L3MBTL4: variants seen among roughly 807,000 people sequenced by gnomAD.
L3MBTL4 encodes the protein lethal(3)malignant brain tumor-like protein 4.
In L3MBTL4, 70 loss-of-function variants were observed where a neutral mutation model predicts 84.5. The observed-to-expected ratio is 0.83, with a 90% CI of 0.68 to 1.01. The LOEUF is 1.01. Ranked by LOEUF, L3MBTL4 falls within the 50% of genes least tolerant of loss-of-function variation. The probability of loss-of-function intolerance (pLI) is 0.00; values close to 1 mark genes in which losing one functional copy is unlikely to be tolerated. For synonymous variants in L3MBTL4, 274 were observed against 259.8 expected, an observed-to-expected ratio of 1.05 and a Z score of -0.52; for missense variants, 715 against 754.8, an observed-to-expected ratio of 0.95 and a Z score of 0.62.
intron 16 of L3MBTL4, chr18:6,030,347 G>C (rs2055728724): frequency 1.0e-6 from 1 of 970,594 alleles, no homozygotes; most frequent in Non-Finnish European, 1.2e-6. Flanking sequence ...AGAACAAATA[G>C]CTAGCAAAAA....
At chr18:6,156,051 C>A (rs184674135) in intron 13 of L3MBTL4, among the ~76,000 whole-genome samples, 49 of 152,268 alleles carry the variant, frequency 3.2e-4, no homozygotes, top group Admixed American at 5.2e-4. Flanking sequence ...ACACAGATAG[C>A]TGCCCTTGCC....
At chr18:6,283,456 C>T (rs2049413747) in intron 4 of L3MBTL4, among the ~76,000 whole-genome samples, 1 of 151,988 alleles carries the variant, frequency 6.6e-6, no homozygotes, top group Non-Finnish European at 1.5e-5. Context: ...AAGTTCTTTC[C>T]TAAGCAGGAT....
rs576290910 is a variant in L3MBTL4 at position 6,266,234 on chromosome 18, C to T, written c.128-2196G>A. 7.9e-5 allele frequency among the ~76,000 whole-genome samples: 12 copies of T among 152,260 alleles called. No homozygotes were observed. The Middle Eastern group carries it at 0.017, about 216-fold the overall frequency. On this transcript the variant is annotated intron_variant, in intron 4 of 18. Transcript: ENST00000317931. ...ATGTCCACACAACCAAACACATTCA[C>T]GTAGAAAAGCAATTGGAAAGAAACA...
chr18:6,123,102 G>T (rs1455363659), intron 14 of L3MBTL4, among the ~76,000 whole-genome samples: 1 of 152,106 alleles, frequency 6.6e-6, no homozygotes, highest in Admixed American at 6.5e-5. Context: ...AGGAAAGGGG[G>T]TTATTCTAAC....
intron 14 of L3MBTL4, among the ~76,000 whole-genome samples, chr18:6,120,360 T>A (rs1460250394): frequency 6.6e-6 from 1 of 152,130 alleles, no homozygotes; most frequent in Non-Finnish European, 1.5e-5. Flanking sequence ...GGATGCCACC[T>A]CCCAGCTTGG....
chr18:6,049,737 G>A (rs1259487939), intron 16 of L3MBTL4, among the ~76,000 whole-genome samples: 1 of 152,096 alleles, frequency 6.6e-6, no homozygotes, highest in East Asian at 1.9e-4. Context: ...AGGAAAGGGG[G>A]CAAAGGTTGA....
At position 6,213,225 on chromosome 18, in the gene L3MBTL4, A is replaced by C; in HGVS notation, c.905T>G (p.Leu302Arg). ...GGGGTTCCGTTTATCCACAACTTCA[A>C]GTTTCATATTTGGCAGAAAACCATG... ...LPHGFLPNMK[L>R]EVVDKRNPRL... Residue 302 changes from leucine to arginine, a missense_variant, in exon 12 of 19, where the codon CTT becomes CGT. Coordinates refer to ENST00000317931, the MANE Select transcript of L3MBTL4 (RefSeq NM_001330559.2). The C allele has an allele frequency of 6.2e-7, 1 of 1,610,682 alleles. No individual in the cohort carries two copies. Among genetic ancestry groups the C allele is most frequent in the Non-Finnish European group, 8.5e-7 (1 of 1,178,866 alleles).
At chr18:6,366,937 A>T (rs1055042166) in intron 1 of L3MBTL4, among the ~76,000 whole-genome samples, 1 of 152,242 alleles carries the variant, frequency 6.6e-6, no homozygotes, top group Non-Finnish European at 1.5e-5. Flanking sequence ...AGATCTCTGC[A>T]TTAGAAAGAG....
intron 15 of L3MBTL4, among the ~76,000 whole-genome samples, chr18:6,084,960 C>G (rs549305793): frequency 6.6e-6 from 1 of 152,238 alleles, no homozygotes; most frequent in Non-Finnish European, 1.5e-5. Flanking sequence ...GGAGCTAGGA[C>G]AAATTATGGG....
intron 4 of L3MBTL4, among the ~76,000 whole-genome samples, chr18:6,267,861 G>A (rs1599411765): frequency 6.6e-6 from 1 of 152,188 alleles, no homozygotes; most frequent in African/African-American, 2.4e-5. Context: ...GCCTGCAAGT[G>A]AGATGAGGGA....
intron 16 of L3MBTL4, among the ~76,000 whole-genome samples, chr18:5,977,876 T>C (rs1598341027): frequency 6.6e-6 from 1 of 152,150 alleles, no homozygotes; most frequent in Admixed American, 6.5e-5. Flanking sequence ...AAGTCCTGCC[T>C]CCCCAAGGCT....
intron 1 of L3MBTL4, among the ~76,000 whole-genome samples, chr18:6,343,036 T>A (rs1358503188): frequency 1.3e-5 from 2 of 152,150 alleles, no homozygotes; most frequent in African/African-American, 4.8e-5. Flanking sequence ...ATCAAGAGGA[T>A]ATAACAATTA....
intron 16 of L3MBTL4, among the ~76,000 whole-genome samples, chr18:6,021,440 T>C (rs1213897052): frequency 6.6e-6 from 1 of 151,854 alleles, no homozygotes; most frequent in Non-Finnish European, 1.5e-5. Flanking sequence ...AATGGAAAAA[T>C]AGACTGAAGG....
chr18:6,391,707 A>G (rs2055057521), intron 1 of L3MBTL4, among the ~76,000 whole-genome samples: 1 of 148,428 alleles, frequency 6.7e-6, no homozygotes, highest in Non-Finnish European at 1.5e-5. Context: ...CCGAGACTCA[A>G]ATCAAGAACG....
At chr18:6,360,011 A>C (rs191271839) in intron 1 of L3MBTL4, among the ~76,000 whole-genome samples, 26 of 152,320 alleles carry the variant, frequency 1.7e-4, no homozygotes, top group African/African-American at 6.3e-4. Flanking sequence ...TGGCAAGTAA[A>C]AGGTAATTCT....
chr18:6,196,258 C>A (rs968321930), intron 12 of L3MBTL4, among the ~76,000 whole-genome samples: 1 of 150,800 alleles, frequency 6.6e-6, no homozygotes, highest in Non-Finnish European at 1.5e-5. Context: ...CCCGGGTTCA[C>A]GCCATTCTCC....
At chr18:6,225,946 T>C (rs1291119122) in intron 10 of L3MBTL4, among the ~76,000 whole-genome samples, 2 of 152,028 alleles carry the variant, frequency 1.3e-5, no homozygotes, top group Non-Finnish European at 2.9e-5. Flanking sequence ...ACTGACATAA[T>C]GCATTTCCAC....
rs2046188143 is a variant in L3MBTL4, at chr18:6,213,246, C to T, written c.884G>A (p.Gly295Asp). 1 of 1,601,752 alleles carries T rather than the reference C, an allele frequency of 6.2e-7. No individual in the cohort carries two copies. The highest frequency in any genetic ancestry group is 8.5e-7 in the Non-Finnish European group (1 of 1,172,636). Residue 295 changes from glycine to aspartate, a missense_variant, in exon 12 of 19, where the codon GGT becomes GAT. Coordinates refer to ENST00000317931, the MANE Select transcript of L3MBTL4 (RefSeq NM_001330559.2). ...AKVFKMRLPHGFLPNMKLEVV... is the reference protein window; with the variant it reads ...AKVFKMRLPHDFLPNMKLEVV... ...TTCAAGTTTCATATTTGGCAGAAAA[C>T]CATGAGGCAACCTCTGTAAATGTTA...
intron 10 of L3MBTL4, among the ~76,000 whole-genome samples, chr18:6,232,502 C>T (rs1035519727): frequency 6.6e-6 from 1 of 151,982 alleles, no homozygotes; most frequent in Non-Finnish European, 1.5e-5. Context: ...CTAGTCAAGC[C>T]TAGGGCTTTT....
Sources: gnomAD v4.1 joint callset for allele counts (sites outside exome capture counted in the v4.1 genomes callset) on GRCh38, gnomAD v4.1.1 for gene constraint, MANE v1.5 for transcripts, NCBI Gene and HGNC (gene_info 2026-07-23, HGNC 2026-07-21) for gene names.